The following GMDS variants were observed in gnomAD, a reference collection of about 807,000 sequenced individuals.
GMDS encodes the protein GDP-mannose 4,6-dehydratase.
Under a neutral mutation model 49.9 loss-of-function variants are expected in GMDS, and 20 were observed. The observed-to-expected ratio is 0.40, with a 90% CI of 0.28 to 0.58. The LOEUF (loss-of-function observed/expected upper bound fraction) is 0.58. Among genes scored for constraint, GMDS ranks in the 20% least tolerant of loss-of-function variants. The pLI is 0.42. For missense variants in GMDS, 362 were observed against 481.4 expected, an observed-to-expected ratio of 0.75 and a Z score of 2.32; for synonymous variants, 177 against 178.6, an observed-to-expected ratio of 0.99 and a Z score of 0.07.
At chr6:1,904,010 C>T (rs565566868) in intron 7 of GMDS, among the ~76,000 whole-genome samples, 20 of 152,246 alleles carry the variant, frequency 1.3e-4, no homozygotes, top group African/African-American at 4.6e-4. Context: ...GCGACTGAGT[C>T]CCAACCAACT....
chr6:1,735,751 A>C (rs1305134562), intron 8 of GMDS, among the ~76,000 whole-genome samples: 1 of 152,346 alleles, frequency 6.6e-6, no homozygotes, highest in South Asian at 2.1e-4. Flanking sequence ...TTCTGCAAAC[A>C]TAACTCCAAT....
intron 4 of GMDS, among the ~76,000 whole-genome samples, chr6:1,966,443 C>T (rs1478521461): frequency 6.6e-6 from 1 of 151,792 alleles, no homozygotes; most frequent in African/African-American, 2.4e-5. Context: ...CTTCAGTGGG[C>T]TCCCACATCG....
At chr6:1,828,499 T>A (rs964981538) in intron 7 of GMDS, among the ~76,000 whole-genome samples, 1 of 152,178 alleles carries the variant, frequency 6.6e-6, no homozygotes, top group African/African-American at 2.4e-5. Context: ...ATATTCAAAT[T>A]GTCAAAAGCC....
intron 4 of GMDS, among the ~76,000 whole-genome samples, chr6:1,996,306 T>C (rs915834163): frequency 6.6e-6 from 1 of 151,924 alleles, no homozygotes; most frequent in African/African-American, 2.4e-5. Context: ...TCACTGGGAG[T>C]GCATCTTCTG....
intron 7 of GMDS, among the ~76,000 whole-genome samples, chr6:1,824,390 C>A (rs567796441): frequency 2.0e-5 from 3 of 152,312 alleles, no homozygotes; most frequent in East Asian, 3.9e-4. Flanking sequence ...CCCTGTACAG[C>A]CTATTTCAAC....
At chr6:2,074,928 T>C (rs1256321138) in intron 4 of GMDS, among the ~76,000 whole-genome samples, 2 of 152,200 alleles carry the variant, frequency 1.3e-5, no homozygotes, top group Non-Finnish European at 2.9e-5. Flanking sequence ...ATGCTCTTGG[T>C]GTCTTTGTCA....
At chr6:1,942,258 G>T (rs1762858918) in intron 6 of GMDS, among the ~76,000 whole-genome samples, 1 of 152,174 alleles carries the variant, frequency 6.6e-6, no homozygotes, top group South Asian at 2.1e-4. Context: ...TTAGTCAACT[G>T]CTCATCAAGT....
intron 7 of GMDS, among the ~76,000 whole-genome samples, chr6:1,770,533 G>A (rs1236237244): frequency 2.0e-5 from 3 of 152,260 alleles, no homozygotes; most frequent in African/African-American, 7.2e-5. Context: ...CCTCCTTGGT[G>A]ATTTGGAGTC....
intron 7 of GMDS, among the ~76,000 whole-genome samples, chr6:1,768,385 T>C (rs1252243101): frequency 6.6e-6 from 1 of 152,208 alleles, no homozygotes; most frequent in East Asian, 1.9e-4. Flanking sequence ...AAAAATTTAA[T>C]TGGAAGAACA....
chr6:1,814,624 T>C (rs897152894), intron 7 of GMDS, among the ~76,000 whole-genome samples: 1 of 152,202 alleles, frequency 6.6e-6, no homozygotes, highest in Non-Finnish European at 1.5e-5. Context: ...TCTGAAGGTA[T>C]TTTGTGTTTT....
At chr6:2,126,588 T>C (rs538752463) in intron 1 of GMDS, among the ~76,000 whole-genome samples, 3 of 152,326 alleles carry the variant, frequency 2.0e-5, no homozygotes, top group East Asian at 1.9e-4. Flanking sequence ...AGGCAAAGCA[T>C]ACAAGGGACA....
chr6:2,136,093 T>C (rs1775985167), intron 1 of GMDS, among the ~76,000 whole-genome samples: 1 of 152,026 alleles, frequency 6.6e-6, no homozygotes, highest in South Asian at 2.1e-4. Context: ...TTGTAAGTAT[T>C]TGTGTATCTA....
intron 4 of GMDS, among the ~76,000 whole-genome samples, chr6:1,983,432 G>A (rs142991730): frequency 2.3e-3 from 348 of 152,162 alleles, no homozygotes; most frequent in African/African-American, 8.2e-3. Context: ...GATCAACAGA[G>A]TAAACAGACA....
At chr6:1,726,648 C>T in intron 8 of GMDS, 136 bp from the exon 9 acceptor site, 2 of 625,474 alleles carry the variant, frequency 3.2e-6, no homozygotes, top group Admixed American at 2.9e-5. Context: ...CAGGCTGATG[C>T]TCCAGCTGAT....
intron 6 of GMDS, among the ~76,000 whole-genome samples, chr6:1,955,061 CAG>C (rs1176928937): frequency 6.6e-6 from 1 of 151,890 alleles, no homozygotes; most frequent in African/African-American, 2.4e-5. Flanking sequence ...AAATGCGACA[CAG>C]AGACAGGAGG....
At chr6:2,061,289 A>G (rs1221790387) in intron 4 of GMDS, among the ~76,000 whole-genome samples, 1 of 152,226 alleles carries the variant, frequency 6.6e-6, no homozygotes, top group Non-Finnish European at 1.5e-5. Flanking sequence ...TGTCTCCCTG[A>G]ACCTCACACA....
At chr6:1,680,130 T>A (rs938397633) in intron 9 of GMDS, among the ~76,000 whole-genome samples, 1 of 152,182 alleles carries the variant, frequency 6.6e-6, no homozygotes, top group Non-Finnish European at 1.5e-5. Context: ...GTAGATGATA[T>A]TTTCAGCTGG....
chr6:2,161,164 C>T (rs1400124347), intron 1 of GMDS, among the ~76,000 whole-genome samples: 1 of 151,904 alleles, frequency 6.6e-6, no homozygotes, highest in East Asian at 1.9e-4. Context: ...GGCACACCAT[C>T]ACGCCCAGCT....
chr6:2,081,047 A>G (rs1772663041), intron 4 of GMDS, among the ~76,000 whole-genome samples: 2 of 152,294 alleles, frequency 1.3e-5, no homozygotes, highest in South Asian at 4.1e-4. Flanking sequence ...GGGCTCATAC[A>G]ATAGTCTCAC....
Sources: gnomAD v4.1 joint callset for allele counts (sites outside exome capture counted in the v4.1 genomes callset) on GRCh38, gnomAD v4.1.1 for gene constraint, MANE v1.5 for transcripts, NCBI Gene and HGNC (gene_info 2026-07-23, HGNC 2026-07-21) for gene names.